Variants in NARS2 observed in about 807,000 individuals in gnomAD.
NARS2 encodes the protein asparaginyl-tRNA synthetase.
A neutral mutation model predicts 62.9 loss-of-function variants in NARS2; 60 were observed. The ratio of observed to expected loss-of-function variants is 0.95; its 90% CI spans 0.77 to 1.18. NARS2 has a LOEUF of 1.18. NARS2 is among the 50% of genes most tolerant of loss of function. The probability of loss-of-function intolerance (pLI) is 0.00; values close to 1 mark genes in which losing one functional copy is unlikely to be tolerated. For synonymous variants in NARS2, 196 were observed against 200.0 expected (o/e 0.98, Z 0.17); for missense variants, 619 against 576.4 (o/e 1.07, Z -0.76).
chr11:78,541,102 T>C (rs1419050352), intron 5 of NARS2, among the ~76,000 whole-genome samples: 2 of 152,086 alleles, frequency 1.3e-5, no homozygotes, highest in African/African-American at 4.8e-5. Flanking sequence ...GAGGTTGTTG[T>C]GAGCTGAAAC....
chr11:78,508,935 C>T (rs1403137624), intron 6 of NARS2, among the ~76,000 whole-genome samples: 2 of 151,680 alleles, frequency 1.3e-5, no homozygotes, highest in African/African-American at 2.4e-5. Flanking sequence ...GCCAACAGGA[C>T]GACATCCTGT....
intron 4 of NARS2, among the ~76,000 whole-genome samples, chr11:78,562,427 C>T (rs1856588357): frequency 1.3e-5 from 2 of 152,152 alleles, no homozygotes; most frequent in African/African-American, 4.8e-5. Context: ...GAGACTTCAT[C>T]TCAAAACAAC....
intron 5 of NARS2, chr11:78,533,156 C>G: frequency 6.6e-6 from 1 of 152,180 alleles, no homozygotes; most frequent in East Asian, 1.9e-4. Context: ...CAGCATGGAC[C>G]GTTGCATCCA....
At chr11:78,557,268 G>A (rs1856387309) in intron 5 of NARS2, among the ~76,000 whole-genome samples, 1 of 152,112 alleles carries the variant, frequency 6.6e-6, no homozygotes, top group African/African-American at 2.4e-5. Flanking sequence ...GAGAAAAAAT[G>A]TGCACCATTA....
At chr11:78,540,399 C>CT (rs1855564647) in intron 5 of NARS2, among the ~76,000 whole-genome samples, 1 of 152,244 alleles carries the variant, frequency 6.6e-6, no homozygotes, top group Non-Finnish European at 1.5e-5. Context: ...AAGTCCGACT[C>CT]TGTCTCCATG....
rs752699935 is a variant in NARS2 at position 78,559,527 on chromosome 11, A to C, written c.594+12T>G. The C allele has an allele frequency of 6.3e-7, 1 of 1,577,022 alleles. No individual in the cohort carries two copies. Among genetic ancestry groups the C allele is most frequent in the Non-Finnish European group, 8.7e-7 (1 of 1,147,212 alleles). On this transcript the variant is annotated intron_variant, in intron 5 of 13. Transcript: ENST00000281038. Reference sequence around the variant, plus strand: ...CAGCAATGTACCCCTCAAGATGGGAAGCAAAACTTACTTCAAGTTGAAAAA... The same window carrying C: ...CAGCAATGTACCCCTCAAGATGGGACGCAAAACTTACTTCAAGTTGAAAAA...
chr11:78,463,724 A>AAC (rs1555013830), intron 11 of NARS2, among the ~76,000 whole-genome samples: 10 of 149,728 alleles, frequency 6.7e-5, no homozygotes, highest in Admixed American at 2.6e-4. Flanking sequence ...AAAAAAAAAA[A>AAC]AAAAAAAAAA....
In NARS2 at chr11:78,522,056, C is replaced by T. The variant is rs192715597; in HGVS notation, c.689+6786G>A. Among the ~76,000 whole-genome samples the T allele has an allele frequency of 7.2e-5, 11 of 152,094 alleles. No individual in the cohort carries two copies. The East Asian group carries it at 7.7e-4, about 11-fold the overall frequency. On this transcript the variant is annotated intron_variant, in intron 6 of 13. Transcript: ENST00000281038. ...GCAGCCTCAATCTCCTGGGCTTAAG[C>T]GCCCTCCTGCCTTAGCATCGCAAGT...
At chr11:78,441,183 T>G in intron 12 of NARS2, 66 bp from the exon 13 acceptor site, 1 of 1,427,838 alleles carries the variant, frequency 7.0e-7, no homozygotes, top group South Asian at 1.2e-5. Context: ...CACTAGACAT[T>G]TATTCTGGGT....
At chr11:78,488,699 A>G (rs1859683061) in intron 7 of NARS2, among the ~76,000 whole-genome samples, 1 of 152,228 alleles carries the variant, frequency 6.6e-6, no homozygotes, top group Non-Finnish European at 1.5e-5. Flanking sequence ...GGGTGAAGGT[A>G]AAGGGAAATA....
chr11:78,466,004 C>A lies in NARS2; in HGVS notation c.1036G>T (p.Asp346Tyr). 6.2e-7 allele frequency: 1 copy of A among 1,603,502 alleles called. No homozygotes were observed. Among genetic ancestry groups the A allele is most frequent in the Non-Finnish European group, 8.5e-7 (1 of 1,176,020 alleles). Residue 346 changes from aspartate to tyrosine, a missense_variant, in exon 11 of 14, where the codon GAC becomes TAC. Transcript: ENST00000281038. The part of the protein sequence containing the change: ...NFTFTPEWGA[D>Y]LRTEHEKYLV... Reference sequence around the variant, plus strand: ...TACTTTTCATGTTCAGTCCGTAGGTCAGCACCCCACTGTAATGAGAAGAAA... The same window carrying A: ...TACTTTTCATGTTCAGTCCGTAGGTAAGCACCCCACTGTAATGAGAAGAAA...
intron 11 of NARS2, among the ~76,000 whole-genome samples, chr11:78,455,064 A>G (rs1046883199): frequency 2.6e-5 from 4 of 152,220 alleles, no homozygotes; most frequent in African/African-American, 7.2e-5. Context: ...CAAAAGTCCC[A>G]TAATTATCTT....
At chr11:78,574,276 G>C in intron 1 of NARS2, 72 bp downstream of exon 1, 11 of 1,594,508 alleles carry the variant, frequency 6.9e-6, no homozygotes, top group Non-Finnish European at 9.5e-6. Context: ...GACTGTAAAA[G>C]AAAAGCTAGA....
chr11:78,466,819 G>A (rs901235391), intron 10 of NARS2, among the ~76,000 whole-genome samples: 1 of 152,156 alleles, frequency 6.6e-6, no homozygotes, highest in Admixed American at 6.5e-5. Flanking sequence ...ACTCATGTAT[G>A]AGATGCTCTT....
chr11:78,447,805 T>C (rs1857815668), intron 11 of NARS2, among the ~76,000 whole-genome samples: 2 of 151,998 alleles, frequency 1.3e-5, no homozygotes, highest in Admixed American at 1.3e-4. Context: ...GCTGAATGAA[T>C]AGAAATATAT....
intron 6 of NARS2, among the ~76,000 whole-genome samples, chr11:78,508,036 TAAAA>T (rs903242111): frequency 6.6e-6 from 1 of 151,666 alleles, no homozygotes; most frequent in Admixed American, 6.6e-5. Flanking sequence ...GCAATCTTAA[TAAAA>T]AAAGAACACC....
intron 5 of NARS2, among the ~76,000 whole-genome samples, chr11:78,557,818 T>TTA (rs199632633): frequency 2.3e-3 from 340 of 146,672 alleles, no homozygotes; most frequent in Middle Eastern, 7.1e-3. Flanking sequence ...ATATCTTATA[T>TTA]TATATATATA....
chr11:78,468,039 G>GAAA (rs779408846), intron 10 of NARS2, among the ~76,000 whole-genome samples: 2 of 86,080 alleles, frequency 2.3e-5, no homozygotes, highest in Admixed American at 1.4e-4. Context: ...AGTAAGTATT[G>GAAA]AAAAAAAAAA....
chr11:78,533,175 C>A (rs529652234), intron 5 of NARS2: 2 of 152,278 alleles, frequency 1.3e-5, no homozygotes, highest in South Asian at 2.1e-4. Context: ...CAACTGACCT[C>A]GCTGAAGACT....
Sources: allele counts gnomAD v4.1 joint callset (sites outside exome capture counted in the v4.1 genomes callset), GRCh38; gene constraint gnomAD v4.1.1; transcripts MANE v1.5; gene names NCBI Gene and HGNC (gene_info 2026-07-23, HGNC 2026-07-21).